Variants in CREB5 observed in about 807,000 individuals in gnomAD.
CREB5 encodes the protein cyclic AMP-responsive element-binding protein 5.
CREB5 carries 19 observed loss-of-function variants against 57.1 expected under a neutral mutation model. The ratio of observed to expected loss-of-function variants is 0.33; its 90% CI spans 0.23 to 0.49. The LOEUF (loss-of-function observed/expected upper bound fraction) is 0.49. Ranked by LOEUF, CREB5 falls within the 20% of genes least tolerant of loss-of-function variation. CREB5 has a pLI of 0.99. For missense variants in CREB5, 579 were observed against 671.6 expected (o/e 0.86, Z 1.52); for synonymous variants, 238 against 238.3 (o/e 1.00, Z 0.01).
chr7:28,320,309 A>G (rs148852683), intron 1 of CREB5, among the ~76,000 whole-genome samples: 1 of 152,264 alleles, frequency 6.6e-6, no homozygotes, highest in African/African-American at 2.4e-5. Flanking sequence ...TGGTGAAAAA[A>G]TAATGCCCTT....
At chr7:28,652,789 A>G (rs113619745) in intron 5 of CREB5, among the ~76,000 whole-genome samples, 48 of 152,350 alleles carry the variant, frequency 3.2e-4, no homozygotes, top group African/African-American at 1.1e-3. Flanking sequence ...GGTGGATCAC[A>G]GTGGATTCCT....
Position 28,804,497 on chromosome 7 carries a change from C to G in CREB5, c.1001C>G (p.Pro334Arg). The part of the protein sequence containing the change: ...PAHHQTSPHP[P>R]LHTGNQAQVS... ...CATCACCAGACCTCGCCACATCCGC[C>G]CCTGCACACCGGCAACCAAGCACAG... is the stretch of plus-strand genomic sequence containing the variant. The change falls in exon 8 of 11, where the codon CCC becomes CGC. Residue 334 changes from proline (P) to arginine (R), a missense_variant. Physicochemically the swap from Pro to Arg is moderately radical, Grantham distance 103. Around this residue, in one of 3 missense-constraint regions of CREB5, gnomAD observed 459 missense variants for 515.7 expected, o/e 0.89. Coordinates refer to ENST00000357727, the MANE Select transcript of CREB5 (RefSeq NM_182898.4). 1 of 1,614,008 alleles carries G rather than the reference C, an allele frequency of 6.2e-7. No homozygotes were observed. The highest frequency in any genetic ancestry group is 8.5e-7 in the Non-Finnish European group (1 of 1,179,930).
chr7:28,532,728 C>T (rs956260186), intron 4 of CREB5, among the ~76,000 whole-genome samples: 1 of 152,202 alleles, frequency 6.6e-6, no homozygotes, highest in East Asian at 1.9e-4. Flanking sequence ...TTCATTTGAT[C>T]AGCAGGATAA....
At chr7:28,382,542 T>C (rs754480119) in intron 1 of CREB5, among the ~76,000 whole-genome samples, 24 of 152,170 alleles carry the variant, frequency 1.6e-4, no homozygotes, top group Non-Finnish European at 3.1e-4. Flanking sequence ...TAATAAAGTC[T>C]ATTGTTCATT....
At chr7:28,408,459 C>T (rs758967531), upstream of CREB5, among the ~76,000 whole-genome samples, 1 of 152,196 alleles carries the variant, frequency 6.6e-6, no homozygotes, top group Admixed American at 6.5e-5. Flanking sequence ...AGACGCCAGG[C>T]TCCTCTCGCT....
At chr7:28,677,090 C>A (rs1800353786) in intron 5 of CREB5, among the ~76,000 whole-genome samples, 1 of 152,110 alleles carries the variant, frequency 6.6e-6, no homozygotes, top group Non-Finnish European at 1.5e-5. Flanking sequence ...TTACTAAATA[C>A]TTTTTATCTT....
chr7:28,393,360 CCT>C (rs1359585077), intron 1 of CREB5, among the ~76,000 whole-genome samples: 1 of 152,218 alleles, frequency 6.6e-6, no homozygotes, highest in African/African-American at 2.4e-5. Context: ...ACAACTCTCC[CCT>C]GTTTCTTCTC....
chr7:28,396,571 G>T (rs778649721), intron 1 of CREB5, among the ~76,000 whole-genome samples: 3 of 152,066 alleles, frequency 2.0e-5, no homozygotes. Context: ...CATATTATTT[G>T]TATAGTCATG....
At chr7:28,738,967 T>G (rs1405934188) in intron 7 of CREB5, among the ~76,000 whole-genome samples, 3 of 152,200 alleles carry the variant, frequency 2.0e-5, no homozygotes, top group African/African-American at 7.2e-5. Flanking sequence ...CAATGATAAA[T>G]AAGCTATAAC....
At chr7:28,756,795 C>T (rs1036196643) in intron 7 of CREB5, among the ~76,000 whole-genome samples, 2 of 152,106 alleles carry the variant, frequency 1.3e-5, no homozygotes, top group African/African-American at 2.4e-5. Flanking sequence ...CATGCTTTAA[C>T]TAATGTTCAG....
intron 1 of CREB5, among the ~76,000 whole-genome samples, chr7:28,311,844 G>A (rs559128342): frequency 5.9e-5 from 9 of 152,280 alleles, no homozygotes; most frequent in Admixed American, 1.3e-4. Context: ...AAAGCGTCAC[G>A]TGGCAGGCAC....
At chr7:28,799,216 T>A (rs1354342186) in intron 7 of CREB5, among the ~76,000 whole-genome samples, 1 of 152,206 alleles carries the variant, frequency 6.6e-6, no homozygotes, top group African/African-American at 2.4e-5. Flanking sequence ...AGGCTGCTGC[T>A]CAGAGGGTAG....
rs371786107 is a variant in CREB5, at chr7:28,438,789, G to A, written c.3+25872G>A. On this transcript the variant is annotated intron_variant, in intron 1 of 10. Transcript: ENST00000357727. ...CAACTGGATTTAGCAATTGCCGTAA[G>A]TTCCCATCTGCTTCTAACATTCTGT... Among the ~76,000 whole-genome samples the A allele has an allele frequency of 1.6e-4, 24 of 152,344 alleles. No homozygotes were observed. In the East Asian group the frequency reaches 3.7e-3, roughly 23 times the overall value.
chr7:28,520,991 C>T (rs1793182759), intron 4 of CREB5, among the ~76,000 whole-genome samples: 2 of 152,156 alleles, frequency 1.3e-5, no homozygotes, highest in African/African-American at 4.8e-5. Flanking sequence ...CTCCTGTGCT[C>T]TGGGTCTCTC....
At chr7:28,551,959 CTT>C (rs1165406733) in intron 4 of CREB5, among the ~76,000 whole-genome samples, 2 of 104,524 alleles carry the variant, frequency 1.9e-5, no homozygotes, top group Non-Finnish European at 2.0e-5. Context: ...TATTCTTTCT[CTT>C]TTTTATTCTC....
intron 1 of CREB5, among the ~76,000 whole-genome samples, chr7:28,464,087 G>A (rs1454970429): frequency 1.3e-5 from 2 of 152,170 alleles, no homozygotes; most frequent in Non-Finnish European, 2.9e-5. Flanking sequence ...AGGCAGCTTT[G>A]ATGCAGTTTT....
At chr7:28,769,736 TGGCTAAAATGAAGA>T (rs1806221625) in intron 7 of CREB5, among the ~76,000 whole-genome samples, 2 of 152,172 alleles carry the variant, frequency 1.3e-5, no homozygotes, top group Non-Finnish European at 2.9e-5. Flanking sequence ...AGTATGACCA[TGGCTAAAATGAAGA>T]CAGCCATTTT....
intron 7 of CREB5, among the ~76,000 whole-genome samples, chr7:28,760,284 A>G (rs4722841): frequency 0.99 from 151,464 of 152,266 alleles, 75,334 homozygotes; most frequent in Middle Eastern, 1. Context: ...TTCCTCTCCC[A>G]GGAGACTCAA....
At chr7:28,792,134 A>C (rs924067745) in intron 7 of CREB5, among the ~76,000 whole-genome samples, 62 of 152,094 alleles carry the variant, frequency 4.1e-4, no homozygotes, top group African/African-American at 1.5e-3. Context: ...ATGAAATTTC[A>C]TCTTTACTAA....
Sources: gnomAD v4.1 joint callset for allele counts (sites outside exome capture counted in the v4.1 genomes callset) on GRCh38, gnomAD v4.1.1 for gene constraint, gnomAD v4.1.1 regional missense constraint, MANE v1.5 for transcripts, NCBI Gene and HGNC (gene_info 2026-07-23, HGNC 2026-07-21) for gene names.